PRDM2: variants seen among roughly 807,000 people sequenced by gnomAD.
The protein encoded by PRDM2 is PR/SET domain 2.
Under a neutral mutation model 130.0 loss-of-function variants are expected in PRDM2, and 30 were observed. The observed-to-expected ratio is 0.23, with a 90% confidence interval of 0.17 to 0.31. PRDM2 has a LOEUF of 0.31. Ranked by LOEUF, PRDM2 falls within the 10% of genes least tolerant of loss-of-function variation. The pLI is 1.00. For missense variants in PRDM2, 2,011 were observed against 2,108.4 expected (o/e 0.95, Z 0.90); for synonymous variants, 871 against 782.4 (o/e 1.11, Z -1.89).
In PRDM2 at chr1:13,779,728, C is replaced by G. The variant is rs368766493; in HGVS notation, c.1933C>G (p.Pro645Ala). ...EAKKRRTASP[P>A]ALPKIKAETD... Reference sequence around the variant, plus strand: ...CAAGAAGCGGAGAACTGCGAGCCCACCTGCACTGCCCAAAATTAAGGCCGA... The same window carrying G: ...CAAGAAGCGGAGAACTGCGAGCCCAGCTGCACTGCCCAAAATTAAGGCCGA... Residue 645 changes from proline to alanine, a missense_variant, in exon 8 of 10, where the codon CCT (proline) becomes GCT (alanine). By Grantham distance (27) the Pro-to-Ala change is conservative. Around this residue, in one of 5 missense-constraint regions of PRDM2, gnomAD observed 1,288 missense variants for 1,237.7 expected, o/e 1.04. Transcript: ENST00000311066. The surrounding 1 kb of genome is among the most constrained non-coding windows in gnomAD (Gnocchi z 4.9). The G allele has an allele frequency of 6.2e-7, 1 of 1,614,024 alleles. No individual in the cohort carries two copies. The highest frequency in any genetic ancestry group is 8.5e-7 in the Non-Finnish European group (1 of 1,180,022).
intron 6 of PRDM2, among the ~76,000 whole-genome samples, chr1:13,766,620 A>G (rs916713981): frequency 1.3e-5 from 2 of 152,166 alleles, no homozygotes; most frequent in Non-Finnish European, 2.9e-5. Context: ...ATGACCATTC[A>G]TGGTACAGCT....
intron 8 of PRDM2, among the ~76,000 whole-genome samples, chr1:13,795,329 C>T (rs1644906662): frequency 6.6e-6 from 1 of 152,184 alleles, no homozygotes; most frequent in East Asian, 1.9e-4. Context: ...TTCATGTTCT[C>T]CCATTTTACA....
chr1:13,816,283 G>C (rs1405428556), intron 8 of PRDM2, 144 bp from the exon 9 acceptor site: 6 of 952,226 alleles, frequency 6.3e-6, no homozygotes, highest in Non-Finnish European at 9.4e-6. Context: ...CTGATGCCAG[G>C]CACCTGGCCT....
At chr1:13,807,363 G>T (rs1054083397) in intron 8 of PRDM2, among the ~76,000 whole-genome samples, 1 of 152,218 alleles carries the variant, frequency 6.6e-6, no homozygotes, top group African/African-American at 2.4e-5. Flanking sequence ...CTGGGGTGCT[G>T]GAGGTGCCTC....
At chr1:13,758,659 T>G (rs1243001786) in intron 6 of PRDM2, among the ~76,000 whole-genome samples, 1 of 152,188 alleles carries the variant, frequency 6.6e-6, no homozygotes, top group African/African-American at 2.4e-5. Flanking sequence ...GAAAATATCC[T>G]AAGGGATTCT....
chr1:13,739,593 T>C (rs1643377964), intron 4 of PRDM2, among the ~76,000 whole-genome samples: 1 of 152,198 alleles, frequency 6.6e-6, no homozygotes. Context: ...GACCATAATT[T>C]ACTGAGTTAA....
At chr1:13,736,958 TTAATG>T (rs1228857250) in intron 4 of PRDM2, among the ~76,000 whole-genome samples, 5 of 152,218 alleles carry the variant, frequency 3.3e-5, no homozygotes, top group Non-Finnish European at 5.9e-5. Context: ...TGAGAAGACT[TTAATG>T]TAATTTTTAA....
At position 13,711,824 on chromosome 1, in the gene PRDM2, G is replaced by A. The variant is rs577495663; in HGVS notation, c.-65-3717G>A. ...TAGCAATTAGGATTTGGAAGTAATAGGGAGGAGGCTCTCCCCACACAGATA... is the reference window on the plus strand; with the variant it reads ...TAGCAATTAGGATTTGGAAGTAATAAGGAGGAGGCTCTCCCCACACAGATA... On this transcript the variant is annotated intron_variant, in intron 1 of 9. Transcript: ENST00000311066. Among the ~76,000 whole-genome samples, 7 of 152,218 alleles carry A rather than the reference G, an allele frequency of 4.6e-5. No homozygotes were observed. The South Asian group carries it at 1.5e-3, about 32-fold the overall frequency.
At chr1:13,764,376 T>C (rs1054078864) in intron 6 of PRDM2, among the ~76,000 whole-genome samples, 5 of 152,240 alleles carry the variant, frequency 3.3e-5, no homozygotes, top group African/African-American at 1.2e-4. Flanking sequence ...TAGAAATTGA[T>C]TATGAAGTAG....
rs1182272501 is a variant in PRDM2 at position 13,747,187 on chromosome 1, T to C, written c.385-2174T>C. ...CAGTTCTCTGGTTATACCATTTCAG[T>C]GGGGGAATATATGGGGAATACATTT... On this transcript the variant is annotated intron_variant, in intron 5 of 9. Transcript: ENST00000311066. Among the ~76,000 whole-genome samples the C allele has an allele frequency of 2.0e-5, 3 of 152,190 alleles. No homozygotes were observed. The East Asian group carries it at 5.8e-4, about 29-fold the overall frequency.
chr1:13,795,254 C>G (rs1004962761), intron 8 of PRDM2, among the ~76,000 whole-genome samples: 2 of 152,112 alleles, frequency 1.3e-5, no homozygotes, highest in Non-Finnish European at 2.9e-5. Flanking sequence ...TTGCTGGCCA[C>G]GATGTAAATA....
chr1:13,778,452 A>C lies in PRDM2; in HGVS notation c.657A>C (p.Ser219=). Residue 219 remains serine, a synonymous_variant, in exon 8 of 10, where the codon TCA becomes TCC. Transcript: ENST00000311066. ...AAGACGAAGAGAAGCCTTCAGCCTC[A>C]GCACTTGAGCAGCCGGCCACCCTCC... The part of the protein sequence containing the change: ...PKEDEEKPSA[S]ALEQPATLQE... 1 of 1,612,986 alleles carries C rather than the reference A, an allele frequency of 6.2e-7. No individual in the cohort carries two copies.
chr1:13,820,673 G>C (rs937461449), intron 9 of PRDM2, among the ~76,000 whole-genome samples: 18 of 152,098 alleles, frequency 1.2e-4, no homozygotes, highest in Admixed American at 1.1e-3. Flanking sequence ...GGGAGTGGGG[G>C]GTGTAGAGGT....
At chr1:13,710,635 G>A (rs894850976) in intron 1 of PRDM2, among the ~76,000 whole-genome samples, 1 of 152,146 alleles carries the variant, frequency 6.6e-6, no homozygotes, top group Non-Finnish European at 1.5e-5. Flanking sequence ...AGACTTATTC[G>A]AGGGGTGCTG....
At chr1:13,723,676 G>T (rs1368174872) in intron 2 of PRDM2, among the ~76,000 whole-genome samples, 1 of 152,140 alleles carries the variant, frequency 6.6e-6, no homozygotes, top group African/African-American at 2.4e-5. Flanking sequence ...TTTGATAAGG[G>T]CATTCTGAGG....
chr1:13,732,664 G>C, intron 3 of PRDM2, 115 bp from the exon 4 acceptor site: 1 of 670,184 alleles, frequency 1.5e-6, no homozygotes, highest in Non-Finnish European at 2.4e-6. Flanking sequence ...TTTAACATTA[G>C]CTTGATTTAG....
Position 13,782,342 on chromosome 1 carries a change from G to A in PRDM2, c.4547G>A (p.Arg1516Gln), listed in dbSNP as rs771751695. ...DKNSNSNHRR[R>Q]TADAEIKMQS... ...AACAGTAACAGCAACCACCGCAGAC[G>A]GACAGCGGATGCGGAGATTAAAATG... Residue 1516 changes from arginine (R) to glutamine (Q), a missense_variant, in exon 8 of 10, where the codon CGG (arginine) becomes CAG (glutamine). Around this residue, in one of 5 missense-constraint regions of PRDM2, gnomAD observed 410 missense variants for 395.9 expected, o/e 1.04. Coordinates refer to ENST00000311066, the MANE Select transcript of PRDM2 (RefSeq NM_001393986.1). 2.4e-5 allele frequency: 39 copies of A among 1,613,810 alleles called. No homozygotes were observed. The South Asian group carries it at 2.7e-4, about 11-fold the overall frequency.
chr1:13,758,481 C>T (rs925925283), intron 6 of PRDM2, among the ~76,000 whole-genome samples: 2 of 151,836 alleles, frequency 1.3e-5, no homozygotes, highest in African/African-American at 4.8e-5. Flanking sequence ...TAGTTAACAC[C>T]CGCCCCAACC....
chr1:13,752,479 C>T (rs1643867984), intron 6 of PRDM2, among the ~76,000 whole-genome samples: 1 of 152,058 alleles, frequency 6.6e-6, no homozygotes, highest in African/African-American at 2.4e-5. Context: ...TAATGTGAAC[C>T]ACAGAAAAAT....
Sources: gnomAD v4.1 joint callset for allele counts (sites outside exome capture counted in the v4.1 genomes callset) on GRCh38, gnomAD v4.1.1 for gene constraint, gnomAD v4.1.1 regional missense constraint, Gnocchi (gnomAD v3.1) non-coding constraint, MANE v1.5 for transcripts, NCBI Gene and HGNC (gene_info 2026-07-23, HGNC 2026-07-21) for gene names.